MANSC4: variants seen among roughly 807,000 people sequenced by gnomAD.
MANSC4 encodes the protein MANSC domain containing 4.
A neutral mutation model predicts 11.4 loss-of-function variants in MANSC4; 11 were observed. That is an observed-to-expected ratio of 0.97 (90% CI 0.61 to 1.60). The LOEUF is 1.60. MANSC4 is among the 40% of genes most tolerant of loss of function. The pLI is 0.00. For missense variants in MANSC4, 354 were observed against 404.6 expected (o/e 0.88, Z 1.07); for synonymous variants, 123 against 147.1 (o/e 0.84, Z 1.19).
intron 1 of MANSC4, among the ~76,000 whole-genome samples, chr12:27,771,995 A>G (rs2062102780): frequency 6.6e-6 from 1 of 152,116 alleles, no homozygotes; most frequent in African/African-American, 2.4e-5. Context: ...GTCAGCTGAG[A>G]TGACACTACT....
chr12:27,777,976 A>T (rs996014689), intron 1 of MANSC4, among the ~76,000 whole-genome samples: 2 of 151,984 alleles, frequency 1.3e-5, no homozygotes, highest in African/African-American at 4.8e-5. Flanking sequence ...CTGTAATCCC[A>T]GCACTTTGGG....
At chr12:27,767,528 A>G (rs1329430746) in intron 2 of MANSC4, among the ~76,000 whole-genome samples, 7 of 150,758 alleles carry the variant, frequency 4.6e-5, no homozygotes, top group Non-Finnish European at 1.0e-4. Context: ...ACATGGAGAA[A>G]CCCCGTGTCT....
rs74407743 is a variant in MANSC4 at position 27,771,037 on chromosome 12, T to C, written c.229+11A>G. The stretch of plus-strand genomic sequence containing the variant: ...TTCTTATTTTTGCCCAAGCATATCA[T>C]GAATACTTACCATCCTTCCGAAGAC... On this transcript the variant is annotated intron_variant, in intron 2 of 3. Transcript: ENST00000381273. 1,148 of 1,543,662 alleles carry C rather than the reference T, an allele frequency of 7.4e-4. 14 individuals are homozygous for C. In the African/African-American group the frequency reaches 0.014, roughly 19 times the overall value.
At chr12:27,778,929 C>T (rs779305322) in intron 1 of MANSC4, among the ~76,000 whole-genome samples, 9 of 152,190 alleles carry the variant, frequency 5.9e-5, no homozygotes, top group Non-Finnish European at 1.0e-4. Flanking sequence ...AGTGCAGTGG[C>T]GCGATCTCGG....
chr12:27,771,069 T>A lies in MANSC4; in HGVS notation c.208A>T (p.Ser70Cys). The A allele has an allele frequency of 6.4e-7, 1 of 1,551,366 alleles. No homozygotes were observed. Among genetic ancestry groups the A allele is most frequent in the Non-Finnish European group, 8.7e-7 (1 of 1,146,842 alleles). Reference sequence around the variant, plus strand: ...TTACCATCCTTCCGAAGACAGCAGCTCCTACTGCACTTCTGGCCAGTGCTT... The same window carrying A: ...TTACCATCCTTCCGAAGACAGCAGCACCTACTGCACTTCTGGCCAGTGCTT... ...SESTGQKCSR[S>C]CCLRKDVSCN... The change falls in exon 2 of 4, where the codon AGC (serine) becomes TGC (cysteine). Residue 70 changes from serine (S) to cysteine (C), a missense_variant. Transcript: ENST00000381273.
intron 2 of MANSC4, among the ~76,000 whole-genome samples, chr12:27,767,232 C>G (rs1342366442): frequency 6.6e-6 from 1 of 152,074 alleles, no homozygotes; most frequent in Non-Finnish European, 1.5e-5. Context: ...CTGCCTCCCC[C>G]AAAGCTGGAA....
intron 1 of MANSC4, among the ~76,000 whole-genome samples, chr12:27,773,325 G>A (rs1425100336): frequency 2.0e-5 from 3 of 152,170 alleles, no homozygotes; most frequent in African/African-American, 7.2e-5. Flanking sequence ...TCTGGAAATG[G>A]ATAACTTCTT....
chr12:27,767,048 C>T (rs896798751), intron 2 of MANSC4, among the ~76,000 whole-genome samples: 1 of 152,120 alleles, frequency 6.6e-6, no homozygotes, highest in South Asian at 2.1e-4. Context: ...GGTGCGATTA[C>T]AGCTCACTGC....
At chr12:27,776,016 G>A (rs1228774150) in intron 1 of MANSC4, among the ~76,000 whole-genome samples, 1 of 150,836 alleles carries the variant, frequency 6.6e-6, no homozygotes, top group Non-Finnish European at 1.5e-5. Context: ...CTTGAACCCA[G>A]GAGGCTGAGG....
At chr12:27,776,144 CA>C (rs1168427817) in intron 1 of MANSC4, among the ~76,000 whole-genome samples, 1 of 145,686 alleles carries the variant, frequency 6.9e-6, no homozygotes, top group African/African-American at 2.5e-5. Context: ...AAGATCTACA[CA>C]AAAACTTCTA....
chr12:27,774,842 T>C (rs1006737629), intron 1 of MANSC4, among the ~76,000 whole-genome samples: 7 of 151,878 alleles, frequency 4.6e-5, no homozygotes, highest in African/African-American at 1.7e-4. Flanking sequence ...GCTAACATGG[T>C]GAAACCCCGT....
intron 2 of MANSC4, 56 bp downstream of exon 2, chr12:27,770,992 G>T: frequency 7.4e-7 from 1 of 1,357,094 alleles, no homozygotes; most frequent in Non-Finnish European, 1.0e-6. Flanking sequence ...CTCACTTAGG[G>T]CTTCATCCTT....
intron 3 of MANSC4, among the ~76,000 whole-genome samples, chr12:27,764,770 A>G (rs1317770725): frequency 2.0e-5 from 3 of 152,088 alleles, no homozygotes; most frequent in African/African-American, 7.2e-5. Context: ...CCCAAAGCCA[A>G]AATCATTACC....
intron 2 of MANSC4, among the ~76,000 whole-genome samples, chr12:27,768,195 C>T (rs990240631): frequency 2.0e-5 from 3 of 151,574 alleles, no homozygotes; most frequent in East Asian, 1.9e-4. Flanking sequence ...GTCAGGAGTT[C>T]GAGACCAGCC....
intron 1 of MANSC4, among the ~76,000 whole-genome samples, chr12:27,777,760 T>C (rs2062124378): frequency 6.6e-6 from 1 of 152,182 alleles, no homozygotes; most frequent in Admixed American, 6.5e-5. Context: ...ATGTCTTTTA[T>C]TTTTTAGTTC....
intron 1 of MANSC4, among the ~76,000 whole-genome samples, chr12:27,776,542 C>A (rs1233187952): frequency 6.6e-6 from 1 of 152,062 alleles, no homozygotes; most frequent in African/African-American, 2.4e-5. Context: ...CCAGCCTGGG[C>A]AACATGGTGA....
chr12:27,766,299 C>T (rs2062072139), intron 3 of MANSC4, among the ~76,000 whole-genome samples: 1 of 152,170 alleles, frequency 6.6e-6, no homozygotes, highest in Non-Finnish European at 1.5e-5. Flanking sequence ...ATCTCTTGAC[C>T]TTGTGATCTG....
intron 1 of MANSC4, chr12:27,779,889 C>A (rs915767701): frequency 5.3e-5 from 8 of 151,358 alleles, no homozygotes; most frequent in Admixed American, 5.3e-4. Flanking sequence ...CCCGCAGCTG[C>A]GCGTCCGCAG....
intron 2 of MANSC4, 42 bp from the exon 3 acceptor site, chr12:27,766,841 A>G: frequency 4.5e-6 from 7 of 1,539,140 alleles, no homozygotes; most frequent in Middle Eastern, 1.7e-4. Flanking sequence ...GATGGTCTCA[A>G]TTTGCACCAA....
Sources: allele counts gnomAD v4.1 joint callset (sites outside exome capture counted in the v4.1 genomes callset), GRCh38; gene constraint gnomAD v4.1.1; transcripts MANE v1.5; gene names NCBI Gene and HGNC (gene_info 2026-07-23, HGNC 2026-07-21).